Variants in PAPSS1 observed in about 807,000 individuals in gnomAD.
PAPSS1 encodes bifunctional 3'-phosphoadenosine 5'-phosphosulfate synthase 1.
Under a neutral mutation model 72.0 loss-of-function variants are expected in PAPSS1, and 50 were observed. The observed-to-expected ratio is 0.69, with a 90% CI of 0.55 to 0.88. PAPSS1 has a LOEUF of 0.88. PAPSS1 is among the 40% of genes least tolerant of loss of function. PAPSS1 has a pLI of 0.00. For missense variants in PAPSS1, 657 were observed against 782.2 expected (o/e 0.84, Z 1.91); for synonymous variants, 261 against 263.6 (o/e 0.99, Z 0.09).
At chr4:107,707,943 A>G (rs564112264) in intron 1 of PAPSS1, among the ~76,000 whole-genome samples, 23 of 151,994 alleles carry the variant, frequency 1.5e-4, no homozygotes, top group Non-Finnish European at 3.2e-4. Context: ...CCCCTTCACA[A>G]TCCTGTACAG....
intron 10 of PAPSS1, among the ~76,000 whole-genome samples, 174 bp from the exon 11 acceptor site, chr4:107,632,034 C>T (rs996291316): frequency 6.6e-6 from 1 of 151,892 alleles, no homozygotes; most frequent in African/African-American, 2.4e-5. Flanking sequence ...AAAACAAAAA[C>T]CTCCCCCAAA....
intron 10 of PAPSS1, among the ~76,000 whole-genome samples, chr4:107,635,056 C>G (rs1726332169): frequency 6.6e-6 from 1 of 152,190 alleles, no homozygotes. Flanking sequence ...CCTTGGCCTC[C>G]CAAAGTGCCA....
Position 107,631,671 on chromosome 4 carries a change from T to G in PAPSS1, c.1696A>C (p.Asn566His). Residue 566 changes from asparagine (N) to histidine (H), a missense_variant, in exon 11 of 12, where the codon AAC becomes CAC. This residue lies in a region of PAPSS1 where 103 missense variants were observed against 93.8 expected (regional missense o/e 1.10). Coordinates refer to ENST00000265174, the MANE Select transcript of PAPSS1 (RefSeq NM_005443.5). ...EIVPFRVAAYNKKKKRMDYYD... is the reference protein window; with the variant it reads ...EIVPFRVAAYHKKKKRMDYYD... The stretch of plus-strand genomic sequence containing the variant: ...TAGTCCATACGCTTCTTTTTCTTGT[T>G]GTAAGCTGCAACTCGAAAGGGAACT... 1 of 1,614,098 alleles carries G rather than the reference T, an allele frequency of 6.2e-7. No individual in the cohort carries two copies.
chr4:107,685,520 T>C (rs548722224), intron 4 of PAPSS1, among the ~76,000 whole-genome samples: 14 of 152,144 alleles, frequency 9.2e-5, no homozygotes, highest in Non-Finnish European at 1.9e-4. Context: ...ATTGAGAGAG[T>C]AATATGGGAG....
At chr4:107,718,176 T>C (rs1046839817) in intron 1 of PAPSS1, among the ~76,000 whole-genome samples, 1 of 152,172 alleles carries the variant, frequency 6.6e-6, no homozygotes, top group Non-Finnish European at 1.5e-5. Context: ...ATGATTTAAA[T>C]ATGAGAGAGG....
intron 11 of PAPSS1, among the ~76,000 whole-genome samples, chr4:107,616,449 G>C (rs1725826119): frequency 6.6e-6 from 1 of 152,072 alleles, no homozygotes; most frequent in Admixed American, 6.5e-5. Context: ...AATGGTGCTA[G>C]GGACACCAAA....
intron 11 of PAPSS1, among the ~76,000 whole-genome samples, chr4:107,625,328 C>T (rs949930310): frequency 6.6e-6 from 1 of 152,134 alleles, no homozygotes; most frequent in African/African-American, 2.4e-5. Context: ...AAATTATCTG[C>T]GTGGCCCTAA....
intron 2 of PAPSS1, among the ~76,000 whole-genome samples, chr4:107,694,975 CT>C (rs1413241313): frequency 1.3e-5 from 2 of 151,068 alleles, no homozygotes; most frequent in African/African-American, 4.9e-5. Flanking sequence ...GAAGAGAGGG[CT>C]TTTTTTTGGT....
intron 11 of PAPSS1, among the ~76,000 whole-genome samples, chr4:107,615,187 C>T (rs1200310174): frequency 6.6e-6 from 1 of 151,970 alleles, no homozygotes; most frequent in Admixed American, 6.6e-5. Context: ...TTCACACATA[C>T]AAAAACACAC....
intron 1 of PAPSS1, among the ~76,000 whole-genome samples, chr4:107,716,659 G>A (rs955908380): frequency 6.6e-6 from 1 of 151,370 alleles, no homozygotes; most frequent in African/African-American, 2.4e-5. Flanking sequence ...GGTCCCATTG[G>A]AGAAAGATTC....
intron 10 of PAPSS1, among the ~76,000 whole-genome samples, chr4:107,640,188 T>C (rs1726498208): frequency 6.6e-6 from 1 of 152,196 alleles, no homozygotes; most frequent in Admixed American, 6.5e-5. Context: ...ATTTCCTACA[T>C]AGTCAATTAA....
rs760654248 is a variant in PAPSS1, at chr4:107,653,643, AT to A, written c.1102-18del. ...CATCACCATCTAATAGGAAAAACAA[AT>A]TTTTTTAATGGAAACCGAGATCAAA... On this transcript the variant is annotated intron_variant, in intron 8 of 11. Coordinates refer to ENST00000265174, the MANE Select transcript of PAPSS1 (RefSeq NM_005443.5). 6.2e-6 allele frequency: 10 copies of A among 1,605,740 alleles called. No individual in the cohort carries two copies. In the East Asian group the frequency reaches 6.7e-5, roughly 11 times the overall value.
chr4:107,719,249 T>G (rs1407499446), intron 1 of PAPSS1, among the ~76,000 whole-genome samples: 1 of 152,102 alleles, frequency 6.6e-6, no homozygotes, highest in Non-Finnish European at 1.5e-5. Flanking sequence ...CATTTAAACC[T>G]TATTATTCCA....
intron 11 of PAPSS1, among the ~76,000 whole-genome samples, chr4:107,629,674 T>C (rs191216094): frequency 6.6e-6 from 1 of 152,172 alleles, no homozygotes; most frequent in African/African-American, 2.4e-5. Flanking sequence ...CAATGACTAC[T>C]AAGAGGCAGA....
chr4:107,695,392 T>C (rs954249073), intron 2 of PAPSS1, among the ~76,000 whole-genome samples: 1 of 152,214 alleles, frequency 6.6e-6, no homozygotes, highest in African/African-American at 2.4e-5. Flanking sequence ...GTTTTGGGGC[T>C]GAGACTATGG....
At chr4:107,641,047 T>C (rs1399194666) in intron 10 of PAPSS1, among the ~76,000 whole-genome samples, 8 of 152,178 alleles carry the variant, frequency 5.3e-5, no homozygotes, top group Admixed American at 5.2e-4. Flanking sequence ...CAAGTTTCAG[T>C]CCCAGTTCTG....
At position 107,660,031 on chromosome 4, in the gene PAPSS1, T is replaced by C. The variant is rs753815055; in HGVS notation, c.711A>G (p.Leu237=). The C allele has an allele frequency of 1.1e-5, 17 of 1,604,462 alleles. No homozygotes were observed. Among genetic ancestry groups the C allele is most frequent in the Admixed American group, 1.7e-5 (1 of 59,158 alleles). Residue 237 remains leucine, a synonymous_variant, in exon 6 of 12, where the codon CTA becomes CTG. Coordinates refer to ENST00000265174, the MANE Select transcript of PAPSS1 (RefSeq NM_005443.5). ...AATGAAGTTTATTTTCTGGCACATA[T>C]AGTTCTTTTACTTCATAAGATGCAT... ...PVDASYEVKE[L]YVPENKLHLA...
chr4:107,681,129 A>G (rs900452539), intron 5 of PAPSS1, among the ~76,000 whole-genome samples: 1 of 152,202 alleles, frequency 6.6e-6, no homozygotes, highest in African/African-American at 2.4e-5. Context: ...AGAGGTTTAT[A>G]AAATACACTA....
At chr4:107,671,016 T>C (rs1461484321) in intron 5 of PAPSS1, among the ~76,000 whole-genome samples, 5 of 152,202 alleles carry the variant, frequency 3.3e-5, no homozygotes, top group Admixed American at 6.5e-5. Flanking sequence ...GAATATGGGA[T>C]AGTGTGATCC....
Sources: allele counts gnomAD v4.1 joint callset (sites outside exome capture counted in the v4.1 genomes callset), GRCh38; gene constraint gnomAD v4.1.1; regional missense constraint gnomAD v4.1.1; transcripts MANE v1.5; gene names NCBI Gene and HGNC (gene_info 2026-07-23, HGNC 2026-07-21).